MBNL2: variants seen among roughly 807,000 people sequenced by gnomAD.
The protein encoded by MBNL2 is muscleblind-like protein 2.
MBNL2 carries 17 observed loss-of-function variants against 41.9 expected under a neutral mutation model. The ratio of observed to expected loss-of-function variants is 0.41; its 90% confidence interval spans 0.28 to 0.61. The LOEUF is 0.61. Ranked by LOEUF, MBNL2 falls within the 20% of genes least tolerant of loss-of-function variation. The probability of loss-of-function intolerance (pLI) is 0.35; values close to 1 mark genes in which losing one functional copy is unlikely to be tolerated. For synonymous variants in MBNL2, 195 were observed against 182.9 expected, an observed-to-expected ratio of 1.07 and a Z score of -0.53; for missense variants, 336 against 505.6, an observed-to-expected ratio of 0.66 and a Z score of 3.22.
At chr13:97,236,159 T>C (rs2043236582) in intron 1 of MBNL2, among the ~76,000 whole-genome samples, 1 of 152,166 alleles carries the variant, frequency 6.6e-6, no homozygotes. Context: ...ACGTATTCTT[T>C]CTTCCCCTCA....
Position 97,277,885 on chromosome 13 carries a change from AT to A in MBNL2, c.174+1480del, listed in dbSNP as rs201845933. On this transcript the variant is annotated intron_variant, in intron 2 of 8. Transcript: ENST00000679496. ...CAAGCATGGTTATATGTTAGTATTT[AT>A]TTTGCCTTAGTCAAAAAAGTAAAAC... 6.2e-3 allele frequency among the ~76,000 whole-genome samples: 947 copies of A among 152,284 alleles called. 8 individuals are homozygous for A. The highest frequency in any genetic ancestry group is 0.022 in the African/African-American group (901 of 41,548).
intron 1 of MBNL2, among the ~76,000 whole-genome samples, chr13:97,270,980 G>A (rs2050827939): frequency 6.6e-6 from 1 of 152,196 alleles, no homozygotes. Flanking sequence ...GGGAGAAAGA[G>A]TGGATTCATG....
chr13:97,241,920 A>G (rs1036743687), intron 1 of MBNL2, among the ~76,000 whole-genome samples: 5 of 152,144 alleles, frequency 3.3e-5, no homozygotes, highest in Non-Finnish European at 7.4e-5. Context: ...TACATCCCAT[A>G]TCAAAGGAAA....
chr13:97,265,388 A>C (rs149015431), intron 1 of MBNL2, among the ~76,000 whole-genome samples: 1 of 152,302 alleles, frequency 6.6e-6, no homozygotes, highest in African/African-American at 2.4e-5. Flanking sequence ...ATATATCTGA[A>C]AGTATGTTCC....
chr13:97,158,597 C>G, the MBNL2 span, among the ~76,000 whole-genome samples: 2 of 150,992 alleles, frequency 1.3e-5, no homozygotes, highest in South Asian at 2.1e-4. Context: ...TATGTTGTGT[C>G]TTTGTTCTCA....
intron 7 of MBNL2, among the ~76,000 whole-genome samples, chr13:97,360,888 A>G (rs780417470): frequency 1.3e-5 from 2 of 152,260 alleles, no homozygotes; most frequent in Non-Finnish European, 2.9e-5. Flanking sequence ...AACAGGGGAC[A>G]GTGCCCAGAT....
the MBNL2 span, among the ~76,000 whole-genome samples, chr13:97,205,822 G>A: frequency 1.3e-5 from 2 of 152,132 alleles, no homozygotes; most frequent in Admixed American, 1.3e-4. Flanking sequence ...ATATATGGAA[G>A]AATTACATGC....
At chr13:97,274,994 C>A (rs1039319203) in intron 1 of MBNL2, among the ~76,000 whole-genome samples, 6 of 152,144 alleles carry the variant, frequency 3.9e-5, no homozygotes, top group African/African-American at 1.4e-4. Context: ...ACGCCGTAGA[C>A]TAAGGCACTG....
chr13:97,317,535 T>C (rs1352186097), intron 2 of MBNL2, among the ~76,000 whole-genome samples: 5 of 152,222 alleles, frequency 3.3e-5, no homozygotes, highest in African/African-American at 1.2e-4. Flanking sequence ...AAAGTATGCA[T>C]GCAGAACTCT....
chr13:97,159,975 A>G, the MBNL2 span, among the ~76,000 whole-genome samples: 1 of 151,992 alleles, frequency 6.6e-6, no homozygotes, highest in Non-Finnish European at 1.5e-5. Context: ...TCTCCTGGAT[A>G]ATATCCTGCA....
the MBNL2 span, among the ~76,000 whole-genome samples, chr13:97,205,925 G>T: frequency 6.6e-6 from 1 of 152,158 alleles, no homozygotes; most frequent in Non-Finnish European, 1.5e-5. Flanking sequence ...ATTGGGAAAT[G>T]TTTTACATGT....
At chr13:97,337,654 TA>T (rs1350516983) in intron 3 of MBNL2, among the ~76,000 whole-genome samples, 2 of 152,166 alleles carry the variant, frequency 1.3e-5, no homozygotes, top group African/African-American at 4.8e-5. Flanking sequence ...TTAAATTTCT[TA>T]AAGGAACTTG....
chr13:97,376,499 G>A (rs970092315), intron 8 of MBNL2, among the ~76,000 whole-genome samples: 10 of 152,188 alleles, frequency 6.6e-5, no homozygotes, highest in Admixed American at 4.6e-4. Context: ...AGAACAAAAT[G>A]TAAGAGCTTT....
the MBNL2 span, among the ~76,000 whole-genome samples, chr13:97,153,339 AT>A: frequency 2.0e-5 from 3 of 151,278 alleles, no homozygotes; most frequent in Non-Finnish European, 4.4e-5. Flanking sequence ...GTGTGTGTGT[AT>A]TTTCTTGGAG....
chr13:97,270,787 G>A (rs1444938775), intron 1 of MBNL2, among the ~76,000 whole-genome samples: 1 of 152,148 alleles, frequency 6.6e-6, no homozygotes, highest in East Asian at 1.9e-4. Flanking sequence ...TGATGGCCAT[G>A]CTGAAATGTG....
At chr13:97,381,011 G>T (rs1477396410) in intron 8 of MBNL2, among the ~76,000 whole-genome samples, 3 of 151,774 alleles carry the variant, frequency 2.0e-5, no homozygotes, top group African/African-American at 7.3e-5. Flanking sequence ...TACTCTTTTT[G>T]ATTTTTCCTT....
At chr13:97,166,630 T>C in the MBNL2 span, among the ~76,000 whole-genome samples, 74 of 152,222 alleles carry the variant, frequency 4.9e-4, no homozygotes, top group African/African-American at 1.6e-3. Context: ...AGCCTACACC[T>C]TTCTCCAGTG....
In MBNL2 at chr13:97,355,468, A is replaced by G. The variant is rs1594258071; in HGVS notation, c.805-1328A>G. Among the ~76,000 whole-genome samples the G allele has an allele frequency of 2.0e-5, 3 of 152,186 alleles. No individual in the cohort carries two copies. In the South Asian group the frequency reaches 6.2e-4, roughly 31 times the overall value. ...AAGTTCTATTTCAGAACTTTAGAAT[A>G]TAATATTTGTATTTATTAGAGAAAC... On this transcript the variant is annotated intron_variant, in intron 5 of 8. Transcript: ENST00000679496.
At chr13:97,348,533 T>A (rs2062111765) in intron 5 of MBNL2, among the ~76,000 whole-genome samples, 1 of 152,208 alleles carries the variant, frequency 6.6e-6, no homozygotes, top group Non-Finnish European at 1.5e-5. Flanking sequence ...TTTCAAAAAA[T>A]TTTATGAGAC....
Sources: gnomAD v4.1 joint callset for allele counts (sites outside exome capture counted in the v4.1 genomes callset) on GRCh38, gnomAD v4.1.1 for gene constraint, MANE v1.5 for transcripts, NCBI Gene and HGNC (gene_info 2026-07-23, HGNC 2026-07-21) for gene names.